CDH23: variants seen among roughly 807,000 people sequenced by gnomAD.
CDH23 encodes cadherin related 23, also known as cadherin-23.
A neutral mutation model predicts 317.1 loss-of-function variants in CDH23; 189 were observed. The observed-to-expected ratio is 0.60, with a 90% confidence interval of 0.53 to 0.67. CDH23 has a LOEUF of 0.67. Among genes scored for constraint, CDH23 ranks in the 30% least tolerant of loss-of-function variants. The probability of loss-of-function intolerance (pLI) is 0.00; values close to 1 mark genes in which losing one functional copy is unlikely to be tolerated. For missense variants in CDH23, 4,401 were observed against 4,592.4 expected, an observed-to-expected ratio of 0.96 and a Z score of 1.20; for synonymous variants, 1,839 against 1,876.8, an observed-to-expected ratio of 0.98 and a Z score of 0.52.
At chr10:71,459,577 G>A (rs983241380) in intron 3 of CDH23, among the ~76,000 whole-genome samples, 2 of 152,150 alleles carry the variant, frequency 1.3e-5, no homozygotes, top group Admixed American at 6.5e-5. Flanking sequence ...GGTTTGATGC[G>A]TTACTCTTCC....
intron 6 of CDH23, among the ~76,000 whole-genome samples, chr10:71,532,365 G>T (rs2132262958): frequency 6.6e-6 from 1 of 152,336 alleles, no homozygotes; most frequent in Non-Finnish European, 1.5e-5. Flanking sequence ...GAGCAGCTGG[G>T]CTCTGAGGCC....
chr10:71,679,599 C>A, intron 17 of CDH23, 107 bp downstream of exon 17: 1 of 896,270 alleles, frequency 1.1e-6, no homozygotes, highest in Non-Finnish European at 1.8e-6. Flanking sequence ...GTCTCCCTGA[C>A]ACTCTGGGCT....
chr10:71,590,883 A>AC (rs781547218), intron 9 of CDH23, among the ~76,000 whole-genome samples: 168 of 110,348 alleles, frequency 1.5e-3, no homozygotes, highest in Non-Finnish European at 2.1e-3. Context: ...TAAAAAAAAA[A>AC]AAACAAAAAA....
At chr10:71,669,537 T>G (rs1368738281) in intron 14 of CDH23, among the ~76,000 whole-genome samples, 2 of 150,660 alleles carry the variant, frequency 1.3e-5, no homozygotes, top group African/African-American at 4.9e-5. Flanking sequence ...AACCTCCACC[T>G]CCCGGGTTCA....
chr10:71,569,911 T>C (rs1857667102), intron 7 of CDH23, among the ~76,000 whole-genome samples: 1 of 151,854 alleles, frequency 6.6e-6, no homozygotes, highest in African/African-American at 2.4e-5. Context: ...TTTTTTGAGA[T>C]GGGGGTCTCG....
intron 6 of CDH23, among the ~76,000 whole-genome samples, chr10:71,512,499 C>T (rs568241185): frequency 1.3e-4 from 20 of 152,350 alleles, no homozygotes; most frequent in African/African-American, 4.1e-4. Flanking sequence ...AGGGTCTCTA[C>T]GTGCCAGCCT....
At chr10:71,422,271 G>A (rs1848852915) in intron 1 of CDH23, among the ~76,000 whole-genome samples, 1 of 152,196 alleles carries the variant, frequency 6.6e-6, no homozygotes, top group South Asian at 2.1e-4. Context: ...GGGAGCCTTT[G>A]CCCTGTGGTG....
At chr10:71,398,658 C>G (rs1847645427) in intron 1 of CDH23, among the ~76,000 whole-genome samples, 1 of 151,990 alleles carries the variant, frequency 6.6e-6, no homozygotes, top group Non-Finnish European at 1.5e-5. Flanking sequence ...CGGTCAGCAC[C>G]TACAGGGGTG....
chr10:71,423,749 A>G (rs1331143496), intron 1 of CDH23, among the ~76,000 whole-genome samples: 6 of 152,140 alleles, frequency 3.9e-5, no homozygotes, highest in Non-Finnish European at 8.8e-5. Flanking sequence ...CATTTTCACC[A>G]TTTGGAAAAT....
intron 14 of CDH23, among the ~76,000 whole-genome samples, chr10:71,674,592 C>A (rs532038831): frequency 6.6e-6 from 1 of 152,160 alleles, no homozygotes; most frequent in South Asian, 2.1e-4. Context: ...TATGTACAAC[C>A]TCTTCACCCT....
intron 9 of CDH23, among the ~76,000 whole-genome samples, chr10:71,582,466 T>C (rs1045791164): frequency 6.6e-6 from 1 of 152,210 alleles, no homozygotes; most frequent in Non-Finnish European, 1.5e-5. Context: ...ATTAATGTTA[T>C]CTATTTCTTT....
chr10:71,491,017 AT>A (rs1436595056), intron 3 of CDH23, among the ~76,000 whole-genome samples: 4 of 152,164 alleles, frequency 2.6e-5, no homozygotes, highest in Non-Finnish European at 5.9e-5. Context: ...CGCAAAAAAA[AT>A]AAAATAAAAT....
At position 71,611,330 on chromosome 10, in the gene CDH23, G is replaced by A. The variant is rs574605954; in HGVS notation, c.833-4174G>A. 2.6e-5 allele frequency among the ~76,000 whole-genome samples: 4 copies of A among 152,270 alleles called. No homozygotes were observed. In the East Asian group the frequency reaches 7.7e-4, roughly 29 times the overall value. On this transcript the variant is annotated intron_variant, in intron 9 of 69. Coordinates refer to ENST00000224721, the MANE Select transcript of CDH23 (RefSeq NM_022124.6). ...GGTTCAGGGCCCTGTGTGTGGGCCT[G>A]AGGGTTTTGTTCTCAGCCTCAGTTC...
chr10:71,613,561 T>C (rs1861026583), intron 9 of CDH23, among the ~76,000 whole-genome samples: 1 of 152,226 alleles, frequency 6.6e-6, no homozygotes, highest in Non-Finnish European at 1.5e-5. Flanking sequence ...GCCACTAACT[T>C]GGGTAGAAGT....
At chr10:71,626,615 A>T (rs2132542587) in intron 11 of CDH23, among the ~76,000 whole-genome samples, 1 of 152,334 alleles carries the variant, frequency 6.6e-6, no homozygotes, top group South Asian at 2.1e-4. Context: ...GACCTAGGGC[A>T]TGGACCTCTG....
At chr10:71,712,891 C>T in intron 28 of CDH23, 78 bp downstream of exon 28, 1 of 1,520,552 alleles carries the variant, frequency 6.6e-7, no homozygotes. Flanking sequence ...GGCACATGCT[C>T]AGTGGCACCA....
intron 43 of CDH23, 113 bp downstream of exon 43, chr10:71,785,213 T>C: frequency 1.2e-6 from 1 of 802,262 alleles, no homozygotes; most frequent in African/African-American, 1.7e-5. Flanking sequence ...CTCCCGTTCC[T>C]GCACTGGGAT....
At chr10:71,446,638 C>T (rs972781642) in intron 3 of CDH23, among the ~76,000 whole-genome samples, 2 of 152,174 alleles carry the variant, frequency 1.3e-5, no homozygotes, top group Non-Finnish European at 2.9e-5. Flanking sequence ...ACTTCTGGCA[C>T]TAGTTTGGAT....
At chr10:71,651,356 C>T (rs61852012) in intron 14 of CDH23, among the ~76,000 whole-genome samples, 12,862 of 142,592 alleles carry the variant, frequency 0.09, 750 homozygotes, top group Non-Finnish European at 0.13. Context: ...ATGGCAAAAC[C>T]CTGTCTCTGC....
Sources: allele counts gnomAD v4.1 joint callset (sites outside exome capture counted in the v4.1 genomes callset), GRCh38; gene constraint gnomAD v4.1.1; transcripts MANE v1.5; gene names NCBI Gene and HGNC (gene_info 2026-07-23, HGNC 2026-07-21).